Variants in POLR1C observed in about 807,000 individuals in gnomAD.
POLR1C encodes DNA-directed RNA polymerases I and III subunit RPAC1.
POLR1C carries 42 observed loss-of-function variants against 38.3 expected under a neutral mutation model. That is an observed-to-expected ratio of 1.10 (90% confidence interval 0.86 to 1.42). The LOEUF (loss-of-function observed/expected upper bound fraction) is 1.42, where lower values mean the gene tolerates loss of function less well. Ranked by LOEUF, POLR1C falls within the 40% of genes most tolerant of loss-of-function variation. The pLI is 0.00. For missense variants in POLR1C, 507 were observed against 450.5 expected (o/e 1.13, Z -1.14); for synonymous variants, 163 against 163.9 (o/e 0.99, Z 0.04).
downstream of POLR1C, chr6:43,524,653 A>G: frequency 6.2e-7 from 1 of 1,611,448 alleles, no homozygotes; most frequent in Non-Finnish European, 8.5e-7. Flanking sequence ...CAGCAGGGAT[A>G]AACTTACTGG....
At chr6:43,539,180 C>G in intron 9 of POLR1C, 1 of 1,117,584 alleles carries the variant, frequency 8.9e-7, no homozygotes, top group Non-Finnish European at 1.3e-6. Context: ...GTGGGGCTTG[C>G]CGATCTTGTT....
chr6:43,553,454 T>C (rs1270726347), intron 10 of POLR1C: 3 of 1,586,054 alleles, frequency 1.9e-6, no homozygotes, highest in South Asian at 2.3e-5. Context: ...CGAATGAAGG[T>C]GAGAAGACGG....
At chr6:43,539,086 G>T (rs528882729) in intron 9 of POLR1C, 3 of 1,361,346 alleles carry the variant, frequency 2.2e-6, no homozygotes, top group Non-Finnish European at 3.1e-6. Context: ...GCACAGGTGC[G>T]GAGACAATGC....
At chr6:43,519,685 T>C in intron 3 of POLR1C, 21 bp from the exon 4 acceptor site, 2 of 1,614,092 alleles carry the variant, frequency 1.2e-6, no homozygotes, top group Non-Finnish European at 1.7e-6. Context: ...TGCAGATAAG[T>C]GGTTATTTTT....
chr6:43,555,823 G>A (rs577653719), intron 10 of POLR1C: 1 of 1,613,556 alleles, frequency 6.2e-7, no homozygotes, highest in African/African-American at 1.3e-5. Context: ...ATTCAGTAAT[G>A]AAAAAAACTT....
chr6:43,548,425 T>C (rs2127729339), intron 9 of POLR1C: 1 of 1,603,054 alleles, frequency 6.2e-7, no homozygotes, highest in Non-Finnish European at 8.5e-7. Context: ...TGGAGAGGAG[T>C]TGCTTCACAT....
chr6:43,521,109 T>G lies in POLR1C; in HGVS notation c.922+61T>G, dbSNP rs1470359111. 3.1e-6 allele frequency: 5 copies of G among 1,599,802 alleles called. No homozygotes were observed. In the African/African-American group the frequency reaches 6.7e-5, roughly 21 times the overall value. On this transcript the variant is annotated intron_variant, in intron 8 of 8. Transcript: ENST00000642195. ...CTTTGGTGCTGCAGCTTCCTTCCAG[T>G]CTAGATGTGAAGTTTATGAGTAAGT...
intron 9 of POLR1C, among the ~76,000 whole-genome samples, chr6:43,538,201 G>A (rs1163205608): frequency 8.3e-6 from 1 of 120,360 alleles, no homozygotes; most frequent in Admixed American, 1.1e-4. Flanking sequence ...TCAGGCTGGA[G>A]TACAATGGCG....
chr6:43,524,493 C>T (rs766940966), downstream of POLR1C: 7 of 1,613,668 alleles, frequency 4.3e-6, no homozygotes, highest in Admixed American at 3.3e-5. Context: ...AGCAATGAGG[C>T]GTTTGAATTG....
chr6:43,522,093 C>T (rs1406722731), downstream of POLR1C, among the ~76,000 whole-genome samples: 1 of 152,186 alleles, frequency 6.6e-6, no homozygotes, highest in Non-Finnish European at 1.5e-5. Context: ...AGAACAGTAG[C>T]AATTCCTGTG....
intron 10 of POLR1C, chr6:43,555,712 A>G: frequency 8.3e-7 from 1 of 1,208,316 alleles, no homozygotes; most frequent in Non-Finnish European, 1.1e-6. Context: ...CAGGATGAGC[A>G]AAGCTATTTT....
At chr6:43,551,520 ATTT>A (rs1795228357) in intron 10 of POLR1C, 3 of 1,575,008 alleles carry the variant, frequency 1.9e-6, no homozygotes, top group Non-Finnish European at 2.6e-6. Flanking sequence ...TTTTGGCTAC[ATTT>A]TATTTTCATC....
At chr6:43,555,352 A>G (rs1448318205) in intron 10 of POLR1C, 1 of 154,184 alleles carries the variant, frequency 6.5e-6, no homozygotes, top group East Asian at 1.9e-4. Context: ...GAGGGGGATT[A>G]TTCTGAATTT....
intron 10 of POLR1C, among the ~76,000 whole-genome samples, chr6:43,552,678 A>G (rs144278993): frequency 6.6e-6 from 1 of 152,266 alleles, no homozygotes; most frequent in East Asian, 1.9e-4. Context: ...GTTCTCCTCT[A>G]TACATTATTG....
chr6:43,525,582 T>G (rs1793533249), downstream of POLR1C: 2 of 530,990 alleles, frequency 3.8e-6, no homozygotes, highest in Non-Finnish European at 6.6e-6. Flanking sequence ...AGGCCTGGCT[T>G]GGGGAGGCTA....
At chr6:43,526,802 A>G in intron 8 of POLR1C, 2 of 1,572,094 alleles carry the variant, frequency 1.3e-6, no homozygotes, top group African/African-American at 2.7e-5. Flanking sequence ...CTACCACAAC[A>G]GCCACCTCAG....
At chr6:43,555,972 G>A in intron 10 of POLR1C, 1 of 1,613,120 alleles carries the variant, frequency 6.2e-7, no homozygotes, top group Non-Finnish European at 8.5e-7. Flanking sequence ...AGGCTGCCAA[G>A]AGAAAATGCC....
At chr6:43,520,028 C>T (rs374732135) in intron 4 of POLR1C, 38 bp from the exon 5 acceptor site, 70 of 1,611,872 alleles carry the variant, frequency 4.3e-5, no homozygotes, top group East Asian at 2.0e-4. Flanking sequence ...GGCACTCAGA[C>T]GTTTACTAGT....
chr6:43,555,764 G>C, intron 10 of POLR1C: 5 of 1,585,142 alleles, frequency 3.2e-6, no homozygotes, highest in Non-Finnish European at 4.3e-6. Flanking sequence ...GTATAGCTCA[G>C]GCTCATTTCC....
Sources: allele counts gnomAD v4.1 joint callset (sites outside exome capture counted in the v4.1 genomes callset), GRCh38; gene constraint gnomAD v4.1.1; transcripts MANE v1.5; gene names NCBI Gene and HGNC (gene_info 2026-07-23, HGNC 2026-07-21).